DPP10: variants seen among roughly 807,000 people sequenced by gnomAD.
DPP10 encodes dipeptidyl peptidase like 10.
In DPP10, 33 loss-of-function variants were observed where a neutral mutation model predicts 120.9. That is an observed-to-expected ratio of 0.27 (90% CI 0.21 to 0.37). The LOEUF (loss-of-function observed/expected upper bound fraction) is 0.37, where lower values mean the gene tolerates loss of function less well. Ranked by LOEUF, DPP10 falls within the 10% of genes least tolerant of loss-of-function variation. DPP10 has a pLI of 1.00. For synonymous variants in DPP10, 337 were observed against 326.1 expected, an observed-to-expected ratio of 1.03 and a Z score of -0.36; for missense variants, 816 against 942.8, an observed-to-expected ratio of 0.87 and a Z score of 1.76.
chr2:115,203,330 C>T (rs1516313), intron 1 of DPP10, among the ~76,000 whole-genome samples: 9,605 of 152,154 alleles, frequency 0.063, 336 homozygotes, highest in Middle Eastern at 0.11. Context: ...AATAGATGCT[C>T]GGCACTTTTC....
intron 5 of DPP10, among the ~76,000 whole-genome samples, chr2:115,617,548 A>G (rs1433665723): frequency 6.6e-6 from 1 of 151,832 alleles, no homozygotes; most frequent in African/African-American, 2.4e-5. Context: ...TTTTTACTAT[A>G]TCTTTTCTAT....
chr2:114,484,372 GT>G (rs1469585500), intron 1 of DPP10, among the ~76,000 whole-genome samples: 1 of 152,128 alleles, frequency 6.6e-6, no homozygotes, highest in East Asian at 1.9e-4. Context: ...ACATTACCGA[GT>G]TCTGAATGGG....
rs574684858 is a variant in DPP10 at position 115,181,644 on chromosome 2, G to A, written c.61-127595G>A. Among the ~76,000 whole-genome samples the A allele has an allele frequency of 2.6e-5, 4 of 152,292 alleles. No homozygotes were observed. The South Asian group carries it at 8.3e-4, about 32-fold the overall frequency. On this transcript the variant is annotated intron_variant, in intron 1 of 25. Transcript: ENST00000410059. ...GATCTCTTAAGAATCAACCTTAGGA[G>A]TTATGGAGCCTCTTTTCTGCCATAT...
intron 3 of DPP10, among the ~76,000 whole-genome samples, chr2:115,491,492 C>T (rs1274423351): frequency 3.3e-5 from 5 of 151,966 alleles, no homozygotes; most frequent in Non-Finnish European, 7.4e-5. Flanking sequence ...TTACCAGAAG[C>T]TTGGAATGTT....
At chr2:115,693,908 T>A (rs1400722984) in intron 7 of DPP10, among the ~76,000 whole-genome samples, 1 of 152,180 alleles carries the variant, frequency 6.6e-6, no homozygotes, top group Non-Finnish European at 1.5e-5. Flanking sequence ...GCACTTTGAA[T>A]AGTATCTGGC....
At chr2:114,964,752 G>T (rs1364159574) in intron 1 of DPP10, among the ~76,000 whole-genome samples, 1 of 152,154 alleles carries the variant, frequency 6.6e-6, no homozygotes, top group African/African-American at 2.4e-5. Context: ...TCATGGTGAA[G>T]GTTTTGGCTT....
At chr2:114,460,110 T>C (rs1299772189) in intron 1 of DPP10, among the ~76,000 whole-genome samples, 1 of 152,122 alleles carries the variant, frequency 6.6e-6, no homozygotes. Flanking sequence ...GATATGAAAA[T>C]AAATAGAGTA....
chr2:114,868,636 A>G (rs897929370), intron 1 of DPP10, among the ~76,000 whole-genome samples: 1 of 152,206 alleles, frequency 6.6e-6, no homozygotes, highest in Non-Finnish European at 1.5e-5. Flanking sequence ...TTAACTTGGG[A>G]TAATTCCCAA....
chr2:115,596,768 A>G (rs2901337), intron 5 of DPP10, among the ~76,000 whole-genome samples: 29,350 of 152,112 alleles, frequency 0.19, 3,636 homozygotes, highest in African/African-American at 0.34. Flanking sequence ...ATGACCAGAG[A>G]AAGCACCTTA....
chr2:115,302,397 T>C (rs1226581595), intron 1 of DPP10, among the ~76,000 whole-genome samples: 2 of 151,858 alleles, frequency 1.3e-5, no homozygotes, highest in East Asian at 3.9e-4. Flanking sequence ...ACAAATTAAT[T>C]GTAAAAAAAC....
intron 3 of DPP10, among the ~76,000 whole-genome samples, chr2:115,491,387 C>T (rs1317869516): frequency 1.3e-5 from 2 of 152,102 alleles, no homozygotes; most frequent in Non-Finnish European, 2.9e-5. Flanking sequence ...GACAGGTTTT[C>T]TTTAGTTGAA....
intron 1 of DPP10, among the ~76,000 whole-genome samples, chr2:115,016,399 C>A (rs1348061885): frequency 2.0e-5 from 3 of 152,032 alleles, no homozygotes; most frequent in East Asian, 1.9e-4. Flanking sequence ...ACCATGAAAA[C>A]CCTAGAAGAA....
chr2:114,796,035 T>A (rs1558749759), intron 1 of DPP10, among the ~76,000 whole-genome samples: 1 of 152,224 alleles, frequency 6.6e-6, no homozygotes, highest in Non-Finnish European at 1.5e-5. Context: ...GTTCAAGTGT[T>A]CCTACTGTCC....
chr2:114,623,584 A>C (rs1233477224), intron 1 of DPP10, among the ~76,000 whole-genome samples: 2 of 152,082 alleles, frequency 1.3e-5, no homozygotes, highest in Non-Finnish European at 2.9e-5. Context: ...ATTCAACAAA[A>C]AGGTGGCAGC....
At chr2:115,119,079 G>T (rs1474272373) in intron 1 of DPP10, among the ~76,000 whole-genome samples, 2 of 152,070 alleles carry the variant, frequency 1.3e-5, no homozygotes, top group Non-Finnish European at 2.9e-5. Flanking sequence ...TTCATCTAGG[G>T]TTTGCATTTC....
intron 7 of DPP10, among the ~76,000 whole-genome samples, chr2:115,700,915 A>C (rs2901393): frequency 0.93 from 141,103 of 152,058 alleles, 66,208 homozygotes; most frequent in Non-Finnish European, 1. Flanking sequence ...ATGAAAACTA[A>C]AAAATATGTC....
At chr2:114,663,646 T>TAG (rs1697629817) in intron 1 of DPP10, among the ~76,000 whole-genome samples, 2 of 74,490 alleles carry the variant, frequency 2.7e-5, no homozygotes, top group African/African-American at 1.2e-4. Flanking sequence ...TACAGATATA[T>TAG]ATATATATAT....
chr2:115,650,429 A>C (rs1254987587), intron 5 of DPP10, among the ~76,000 whole-genome samples: 1 of 151,266 alleles, frequency 6.6e-6, no homozygotes, highest in African/African-American at 2.4e-5. Context: ...GGGATAATCC[A>C]CTTGACAACT....
intron 1 of DPP10, among the ~76,000 whole-genome samples, chr2:114,667,297 CT>C (rs1245975317): frequency 2.6e-5 from 4 of 151,826 alleles, no homozygotes; most frequent in East Asian, 1.9e-4. Context: ...TAGTCATTGC[CT>C]TTTTTTTAAT....
Sources: allele counts gnomAD v4.1 joint callset (sites outside exome capture counted in the v4.1 genomes callset), GRCh38; gene constraint gnomAD v4.1.1; transcripts MANE v1.5; gene names NCBI Gene and HGNC (gene_info 2026-07-23, HGNC 2026-07-21).